FGF14: variants seen among roughly 807,000 people sequenced by gnomAD.
The protein encoded by FGF14 is fibroblast growth factor 14.
In FGF14, 5 loss-of-function variants were observed where a neutral mutation model predicts 25.5. The ratio of observed to expected loss-of-function variants is 0.20; its 90% confidence interval spans 0.10 to 0.41. The LOEUF (loss-of-function observed/expected upper bound fraction) is 0.41. Ranked by LOEUF, FGF14 falls within the 10% of genes least tolerant of loss-of-function variation. FGF14 has a pLI of 1.00. For missense variants in FGF14, 222 were observed against 320.1 expected, an observed-to-expected ratio of 0.69 and a Z score of 2.34; for synonymous variants, 138 against 118.3, an observed-to-expected ratio of 1.17 and a Z score of -1.08.
chr13:101,971,318 G>C (rs1291090955), intron 1 of FGF14, among the ~76,000 whole-genome samples: 2 of 151,832 alleles, frequency 1.3e-5, no homozygotes, highest in African/African-American at 4.8e-5. Flanking sequence ...CTCATTTATT[G>C]AATGTATATT....
intron 1 of FGF14, among the ~76,000 whole-genome samples, chr13:102,099,910 A>G (rs2044580190): frequency 6.6e-6 from 1 of 152,174 alleles, no homozygotes; most frequent in African/African-American, 2.4e-5. Flanking sequence ...TTTCCCTGGA[A>G]TATTTATTCA....
intron 1 of FGF14, among the ~76,000 whole-genome samples, chr13:102,129,936 T>G (rs2046121132): frequency 6.6e-6 from 1 of 152,166 alleles, no homozygotes. Context: ...AAATCAGCAA[T>G]AGAGTGTTAC....
intron 2 of FGF14, among the ~76,000 whole-genome samples, chr13:101,874,056 G>A (rs957553657): frequency 5.3e-5 from 8 of 151,684 alleles, no homozygotes; most frequent in Middle Eastern, 3.2e-3. Context: ...AAGTGAACAC[G>A]ATGGCTGGAA....
At chr13:102,078,774 G>A (rs532038994) in intron 1 of FGF14, among the ~76,000 whole-genome samples, 4 of 152,304 alleles carry the variant, frequency 2.6e-5, no homozygotes, top group South Asian at 2.1e-4. Flanking sequence ...TTAAGAACTC[G>A]AACTTCATTC....
At chr13:101,823,596 C>T (rs1213889499) in intron 3 of FGF14, among the ~76,000 whole-genome samples, 1 of 150,436 alleles carries the variant, frequency 6.6e-6, no homozygotes, top group East Asian at 2.0e-4. Flanking sequence ...CACCACTATG[C>T]CCAGCTAACT....
At chr13:101,834,779 T>C (rs1187364415) in intron 3 of FGF14, among the ~76,000 whole-genome samples, 1 of 152,088 alleles carries the variant, frequency 6.6e-6, no homozygotes, top group Non-Finnish European at 1.5e-5. Flanking sequence ...AATAAATGTA[T>C]ATGAATGAGA....
At chr13:102,013,659 T>C (rs2040194617) in intron 1 of FGF14, among the ~76,000 whole-genome samples, 1 of 152,212 alleles carries the variant, frequency 6.6e-6, no homozygotes, top group Non-Finnish European at 1.5e-5. Context: ...TTTCCTAGGC[T>C]TAATCAGCCT....
At chr13:101,974,623 A>G (rs980120691) in intron 1 of FGF14, among the ~76,000 whole-genome samples, 1 of 152,120 alleles carries the variant, frequency 6.6e-6, no homozygotes, top group Non-Finnish European at 1.5e-5. Context: ...ATCAAATACT[A>G]TAGGAATGAT....
intron 1 of FGF14, among the ~76,000 whole-genome samples, chr13:102,030,285 T>A (rs905277549): frequency 4.6e-5 from 7 of 152,070 alleles, no homozygotes; most frequent in Non-Finnish European, 1.0e-4. Context: ...TTCTAATCAG[T>A]CTGCCCCAGG....
intron 1 of FGF14, among the ~76,000 whole-genome samples, chr13:102,214,685 G>T (rs566141077): frequency 1.3e-5 from 2 of 152,280 alleles, no homozygotes; most frequent in Non-Finnish European, 2.9e-5. Context: ...TATATTTCTA[G>T]ATCAGGGGAT....
chr13:102,266,145 G>T (rs1478592560), intron 1 of FGF14, among the ~76,000 whole-genome samples: 3 of 152,106 alleles, frequency 2.0e-5, no homozygotes, highest in African/African-American at 7.2e-5. Flanking sequence ...ATTCAAAAAG[G>T]TCTAATTAGT....
At chr13:102,371,358 G>A (rs2057877897) in intron 1 of FGF14, among the ~76,000 whole-genome samples, 1 of 152,058 alleles carries the variant, frequency 6.6e-6, no homozygotes, top group Non-Finnish European at 1.5e-5. Context: ...ATGGGGTGCT[G>A]GGTTTGAGGG....
chr13:101,733,817 A>G (rs2035987154), intron 3 of FGF14, among the ~76,000 whole-genome samples: 1 of 151,716 alleles, frequency 6.6e-6, no homozygotes, highest in Admixed American at 6.6e-5. Flanking sequence ...AGATTAACAC[A>G]TCATTAGATA....
At chr13:102,311,999 C>A (rs2055792382) in intron 1 of FGF14, among the ~76,000 whole-genome samples, 1 of 152,126 alleles carries the variant, frequency 6.6e-6, no homozygotes, top group Non-Finnish European at 1.5e-5. Context: ...GGGTTAATAA[C>A]ATTTTAATTT....
intron 3 of FGF14, among the ~76,000 whole-genome samples, chr13:101,866,553 G>A (rs1263679791): frequency 2.0e-5 from 3 of 152,008 alleles, no homozygotes; most frequent in Non-Finnish European, 4.4e-5. Context: ...TAGACAGAGT[G>A]GATTGTACAA....
rs2058682082 is a variant in FGF14, at chr13:102,400,648, T to C, written c.208+823A>G. Among the ~76,000 whole-genome samples the C allele has an allele frequency of 6.6e-6, 1 of 152,178 alleles. No homozygotes were observed. Among genetic ancestry groups the C allele is most frequent in the South Asian group, 2.1e-4 (1 of 4,822 alleles). On this transcript the variant is annotated intron_variant, in intron 1 of 4. Transcript: ENST00000376131. The surrounding 1 kb of genome is among the most constrained non-coding windows in gnomAD (Gnocchi z 4.3). ...CTTATGTAATGTACTGCAAGTTCCC[T>C]TGTTGGAGCCCTTTGGAATCGGGGC...
chr13:102,079,163 C>A (rs1377564252), intron 1 of FGF14, among the ~76,000 whole-genome samples: 1 of 152,170 alleles, frequency 6.6e-6, no homozygotes. Flanking sequence ...CCATCAGTCT[C>A]TTCCCCAGAG....
At chr13:101,777,795 C>T (rs1393902975) in intron 3 of FGF14, among the ~76,000 whole-genome samples, 1 of 152,036 alleles carries the variant, frequency 6.6e-6, no homozygotes, top group Non-Finnish European at 1.5e-5. Context: ...AACCCCATCT[C>T]TATTAAAAAT....
intron 3 of FGF14, among the ~76,000 whole-genome samples, chr13:101,791,479 A>G (rs963562122): frequency 6.6e-6 from 1 of 152,152 alleles, no homozygotes; most frequent in Non-Finnish European, 1.5e-5. Flanking sequence ...CATTTGACAA[A>G]TGTTTCAAGT....
Sources: gnomAD v4.1 joint callset for allele counts (sites outside exome capture counted in the v4.1 genomes callset) on GRCh38, gnomAD v4.1.1 for gene constraint, Gnocchi (gnomAD v3.1) non-coding constraint, MANE v1.5 for transcripts, NCBI Gene and HGNC (gene_info 2026-07-23, HGNC 2026-07-21) for gene names.